Variants in ANO1 observed in about 807,000 individuals in gnomAD.
ANO1 encodes anoctamin 1, also known as anoctamin-1.
Under a neutral mutation model 124.0 loss-of-function variants are expected in ANO1, and 59 were observed. The observed-to-expected ratio is 0.48, with a 90% CI of 0.39 to 0.59. ANO1 has a LOEUF of 0.59. Ranked by LOEUF, ANO1 falls within the 20% of genes least tolerant of loss-of-function variation. ANO1 has a pLI of 0.00. For synonymous variants in ANO1, 529 were observed against 532.0 expected, an observed-to-expected ratio of 0.99 and a Z score of 0.08; for missense variants, 1,059 against 1,328.0, an observed-to-expected ratio of 0.80 and a Z score of 3.15.
chr11:70,008,339 T>C (rs1450816075), intron 1 of ANO1, among the ~76,000 whole-genome samples: 1 of 152,258 alleles, frequency 6.6e-6, no homozygotes, highest in Non-Finnish European at 1.5e-5. Context: ...CATAAGTTTC[T>C]GCCCTGTGTT....
At chr11:70,147,017 A>C (rs1039394077) in intron 11 of ANO1, among the ~76,000 whole-genome samples, 2 of 152,222 alleles carry the variant, frequency 1.3e-5, no homozygotes, top group Non-Finnish European at 2.9e-5. Context: ...ACACACCCAG[A>C]AACAACACTT....
chr11:70,008,239 T>C (rs927238807), intron 1 of ANO1, among the ~76,000 whole-genome samples: 3 of 152,240 alleles, frequency 2.0e-5, no homozygotes, highest in Admixed American at 6.5e-5. Flanking sequence ...TCCTTTGCTG[T>C]GCAGAAGTTT....
chr11:69,996,810 A>G (rs1554998421), intron 1 of ANO1, among the ~76,000 whole-genome samples: 1 of 152,240 alleles, frequency 6.6e-6, no homozygotes. Context: ...GCCATCTTGG[A>G]GACCCATCTC....
At chr11:70,138,173 C>T (rs1348394073) in intron 11 of ANO1, among the ~76,000 whole-genome samples, 1 of 146,262 alleles carries the variant, frequency 6.8e-6, no homozygotes, top group Non-Finnish European at 1.5e-5. Context: ...GGTGAAACCC[C>T]GTCTCTACTA....
chr11:70,108,326 T>C, intron 5 of ANO1, 27 bp from the exon 6 acceptor site: 1 of 1,601,852 alleles, frequency 6.2e-7, no homozygotes, highest in Non-Finnish European at 8.5e-7. Context: ...AAGTAACTGC[T>C]CACCCCCCTT....
chr11:69,983,545 C>T (rs1323501052), upstream of ANO1, among the ~76,000 whole-genome samples: 2 of 152,204 alleles, frequency 1.3e-5, no homozygotes, highest in Admixed American at 6.5e-5. Context: ...GGGTCTGCAG[C>T]GTGGGGTTCC....
the ANO1 span, among the ~76,000 whole-genome samples, chr11:69,979,019 T>C: frequency 6.6e-6 from 1 of 152,102 alleles, no homozygotes; most frequent in African/African-American, 2.4e-5. Flanking sequence ...TCAGTTTAAT[T>C]CCAAAAACTC....
intron 20 of ANO1, among the ~76,000 whole-genome samples, chr11:70,166,317 CAA>C (rs1359694775): frequency 6.6e-6 from 1 of 151,894 alleles, no homozygotes; most frequent in Non-Finnish European, 1.5e-5. Flanking sequence ...GACTCCGTCT[CAA>C]AAAAATAAAT....
chr11:69,971,736 G>T, the ANO1 span, among the ~76,000 whole-genome samples: 3 of 152,088 alleles, frequency 2.0e-5, no homozygotes, highest in Non-Finnish European at 4.4e-5. Flanking sequence ...GGCCCGGGGA[G>T]GCCTGTGGCT....
chr11:70,084,957 A>G (rs1365044440), intron 1 of ANO1, among the ~76,000 whole-genome samples: 1 of 151,778 alleles, frequency 6.6e-6, no homozygotes, highest in African/African-American at 2.4e-5. Flanking sequence ...AACTATAGTA[A>G]CCCCCTCATA....
intron 10 of ANO1, 143 bp from the exon 11 acceptor site, chr11:70,131,776 T>C: frequency 1.0e-6 from 1 of 964,718 alleles, no homozygotes; most frequent in South Asian, 1.6e-5. Context: ...GCACCCGGCT[T>C]ATGTCCACTA....
chr11:70,148,952 G>A (rs2047483700), intron 11 of ANO1, among the ~76,000 whole-genome samples: 1 of 152,192 alleles, frequency 6.6e-6, no homozygotes, highest in Non-Finnish European at 1.5e-5. Flanking sequence ...GTGGCTTCCT[G>A]AAGGAGGCGG....
At chr11:70,074,368 G>T (rs2044028340), upstream of ANO1, among the ~76,000 whole-genome samples, 1 of 152,180 alleles carries the variant, frequency 6.6e-6, no homozygotes, top group South Asian at 2.1e-4. Context: ...CCAATGGAGG[G>T]CAACCCTGGG....
At chr11:70,157,080 G>C (rs1444538034) in intron 16 of ANO1, 59 bp downstream of exon 16, 1 of 1,500,868 alleles carries the variant, frequency 6.7e-7, no homozygotes, top group Non-Finnish European at 9.2e-7. Flanking sequence ...GAAGTGATTG[G>C]CTTCAGCCGG....
chr11:70,107,982 C>T lies in ANO1; in HGVS notation c.748-371C>T, dbSNP rs1010525899. Among the ~76,000 whole-genome samples, 11 of 152,214 alleles carry T rather than the reference C, an allele frequency of 7.2e-5. No individual in the cohort carries two copies. In the East Asian group the frequency reaches 9.7e-4, roughly 13 times the overall value. On this transcript the variant is annotated intron_variant, in intron 5 of 25. Coordinates refer to ENST00000355303, the MANE Select transcript of ANO1 (RefSeq NM_018043.7). ...TGCTGTTCCAACTCAGCTCTCAGCA[C>T]GAGGGGACCGTAAATCCACCAGGCA...
At chr11:70,118,514 TGATA>T (rs916625467) in intron 8 of ANO1, among the ~76,000 whole-genome samples, 10 of 151,476 alleles carry the variant, frequency 6.6e-5, no homozygotes, top group Non-Finnish European at 1.2e-4. Context: ...GATTAATGGA[TGATA>T]GATGGATGGA....
Position 70,088,080 on chromosome 11 carries a change from A to G in ANO1, c.437A>G (p.Glu146Gly). Residue 146 changes from glutamate to glycine, a missense_variant, in exon 2 of 26, where the codon GAG becomes GGG. Physicochemically the swap from Glu to Gly is moderately conservative, Grantham distance 98. Around this residue, in one of 2 missense-constraint regions of ANO1, gnomAD observed 250 missense variants for 233.1 expected, o/e 1.07. Transcript: ENST00000355303. ...GCGGGCCTGGAGCTGGAGCGGGACG[A>G]GGACGTAACTATCTCACTGCGCGCT... Reference protein sequence around the residue: ...LEAGLELERDEDTKIHGVGFV... With the variant: ...LEAGLELERDGDTKIHGVGFV... 1 of 1,105,384 alleles carries G rather than the reference A, an allele frequency of 9.0e-7. No individual in the cohort carries two copies. The highest frequency in any genetic ancestry group is 1.1e-6 in the Non-Finnish European group (1 of 899,728). 68.5% of individuals were successfully genotyped at this position (1,105,384 alleles called of 1,614,324 possible).
intron 2 of ANO1, among the ~76,000 whole-genome samples, chr11:70,102,421 G>A (rs1652508439): frequency 6.6e-6 from 1 of 152,242 alleles, no homozygotes; most frequent in African/African-American, 2.4e-5. Context: ...CCAGAGAGAG[G>A]TGACTTGGCC....
At chr11:69,988,315 A>G (rs1259004725) in intron 1 of ANO1, among the ~76,000 whole-genome samples, 24 of 152,204 alleles carry the variant, frequency 1.6e-4, no homozygotes, top group Admixed American at 1.4e-3. Context: ...CCCCAATTCT[A>G]GAGCCAGCCT....
Sources: allele counts gnomAD v4.1 joint callset (sites outside exome capture counted in the v4.1 genomes callset), GRCh38; gene constraint gnomAD v4.1.1; regional missense constraint gnomAD v4.1.1; transcripts MANE v1.5; gene names NCBI Gene and HGNC (gene_info 2026-07-23, HGNC 2026-07-21).